Variants in NCOR2 observed in about 807,000 individuals in gnomAD.
NCOR2 encodes CTG repeat protein 26.
In NCOR2, 81 loss-of-function variants were observed where a neutral mutation model predicts 262.9. The ratio of observed to expected loss-of-function variants is 0.31; its 90% confidence interval spans 0.26 to 0.37. The LOEUF (loss-of-function observed/expected upper bound fraction) is 0.37. NCOR2 is among the 10% of genes least tolerant of loss of function. The pLI, the probability that NCOR2 is intolerant of heterozygous loss-of-function variation, is 1.00. For missense variants in NCOR2, 3,385 were observed against 3,621.4 expected, an observed-to-expected ratio of 0.93 and a Z score of 1.68; for synonymous variants, 1,659 against 1,559.3, an observed-to-expected ratio of 1.06 and a Z score of -1.51.
chr12:124,562,238 T>G lies in NCOR2; in HGVS notation c.-165+5070A>C, dbSNP rs368678146. 4.6e-5 allele frequency: 7 copies of G among 152,180 alleles called. No homozygotes were observed. In the East Asian group the frequency reaches 1.2e-3, roughly 25 times the overall value. 9.4% of individuals were successfully genotyped at this position (152,180 alleles called of 1,614,324 possible). A position where few individuals can be genotyped will look rare whatever the true frequency, so the allele number is the denominator to read the frequency against. ...CAGTGGCAGGGACCCACTTTTCAAG[T>G]GCTCCCGAGTGACAGGCACCTAGTG... is the stretch of plus-strand genomic sequence containing the variant. On this transcript the variant is annotated intron_variant, in intron 1 of 32. Coordinates refer to the NCOR2 transcript ENST00000458234.
chr12:124,355,561 C>T, exon 24 of NCOR2: 2 of 1,574,666 alleles, frequency 1.3e-6, no homozygotes, highest in Non-Finnish European at 1.7e-6. Flanking sequence ...GGCCCAGGGG[C>T]AGTGGGTGAC....
chr12:124,434,711 C>T (rs954241886), intron 8 of NCOR2, among the ~76,000 whole-genome samples: 3 of 152,182 alleles, frequency 2.0e-5, no homozygotes. Context: ...AATTGGCAGT[C>T]ATTTTAGGTG....
rs536667580 is a variant in NCOR2 at position 124,454,016 on chromosome 12, C to T, written c.762+3090G>A. 3.3e-5 allele frequency among the ~76,000 whole-genome samples: 5 copies of T among 152,230 alleles called. No individual in the cohort carries two copies. Among genetic ancestry groups the T allele is most frequent in the African/African-American group, 4.8e-5 (2 of 41,466 alleles). ...CTCTGTGACCCACAGCACCTCAGGC[C>T]GTCCCTGGCCCGGGCTTCTGGCACC... is the stretch of plus-strand genomic sequence containing the variant. On this transcript the variant is annotated intron_variant, in intron 6 of 46. Transcript: ENST00000405201. The surrounding 1 kb of genome is among the most constrained non-coding windows in gnomAD (Gnocchi z 5.6).
intron 22 of NCOR2, among the ~76,000 whole-genome samples, chr12:124,360,426 C>A (rs546350250): frequency 6.6e-6 from 1 of 152,248 alleles, no homozygotes; most frequent in African/African-American, 2.4e-5. Flanking sequence ...CAGCCTCTGT[C>A]GCCTGCCAAG....
At chr12:124,472,619 A>AT (rs1233627303) in intron 4 of NCOR2, among the ~76,000 whole-genome samples, 7 of 152,354 alleles carry the variant, frequency 4.6e-5, no homozygotes, top group Non-Finnish European at 4.4e-5. Flanking sequence ...TTCACCCTCC[A>AT]TTCTTGTGCT....
At chr12:124,519,601 T>C (rs1019936036) in intron 1 of NCOR2, among the ~76,000 whole-genome samples, 5 of 152,068 alleles carry the variant, frequency 3.3e-5, no homozygotes, top group African/African-American at 7.2e-5. Flanking sequence ...AGGGAGCTAA[T>C]AGGAGTGGAG....
At chr12:124,354,988 C>T (rs545298264) in intron 24 of NCOR2, 49 bp from the exon 27 acceptor site, 2 of 1,528,712 alleles carry the variant, frequency 1.3e-6, no homozygotes, top group African/African-American at 1.4e-5. Context: ...GTCCCTCCCC[C>T]ACAGTCCAGA....
At chr12:124,473,097 G>C (rs1423604689) in exon 4 of NCOR2, 2 of 1,613,942 alleles carry the variant, frequency 1.2e-6, no homozygotes, top group South Asian at 1.1e-5. Flanking sequence ...GCTGGGGGGA[G>C]ACACCGGTTC....
rs115294556 is a variant in NCOR2 at position 124,452,401 on chromosome 12, A to G, written c.763-2534T>C. 7.7e-3 allele frequency among the ~76,000 whole-genome samples: 1,168 copies of G among 152,312 alleles called. 17 individuals carry two copies. Among genetic ancestry groups the G allele is most frequent in the African/African-American group, 0.026 (1,100 of 41,570 alleles). Reference sequence around the variant, plus strand: ...GGGTTTTGGAAACAGATAGGCCCCAATTTAAATGGTGCCTCCTCCCTCACT... The same window carrying G: ...GGGTTTTGGAAACAGATAGGCCCCAGTTTAAATGGTGCCTCCTCCCTCACT... On this transcript the variant is annotated intron_variant, in intron 6 of 46. Coordinates refer to ENST00000405201, the Ensembl canonical transcript of NCOR2.
At chr12:124,410,265 C>T (rs543357510) in intron 13 of NCOR2, among the ~76,000 whole-genome samples, 1 of 149,620 alleles carries the variant, frequency 6.7e-6, no homozygotes, top group South Asian at 2.3e-4. Context: ...GATGCGATCG[C>T]CCCTGCACTG....
exon 47 of NCOR2, chr12:124,324,769 A>G (rs1236670868): frequency 6.6e-6 from 1 of 152,324 alleles, no homozygotes; most frequent in Non-Finnish European, 1.5e-5. Flanking sequence ...TTTCCTTCCC[A>G]CCGCTGCGGC....
chr12:124,377,284 G>A (rs1236857841), intron 18 of NCOR2, among the ~76,000 whole-genome samples: 1 of 152,164 alleles, frequency 6.6e-6, no homozygotes, highest in African/African-American at 2.4e-5. Context: ...TGGGGCATTT[G>A]TCTAGTCTAC....
chr12:124,334,803 T>A, intron 40 of NCOR2, 186 bp from the exon 43 acceptor site: 1 of 594,542 alleles, frequency 1.7e-6, no homozygotes, highest in East Asian at 2.8e-5. Flanking sequence ...GGGGCTGTGG[T>A]CAGCGGTCCC....
intron 46 of NCOR2, 133 bp from the exon 49 acceptor site, chr12:124,325,716 C>T (rs1052350801): frequency 1.9e-5 from 10 of 534,066 alleles, no homozygotes; most frequent in African/African-American, 7.8e-5. Context: ...TTTCTAATTG[C>T]GAACAGGTCT....
At chr12:124,421,681 G>A (rs78908406) in intron 12 of NCOR2, among the ~76,000 whole-genome samples, 5,344 of 152,290 alleles carry the variant, frequency 0.035, 183 homozygotes, top group East Asian at 0.19. Context: ...TCTGAGAAAC[G>A]TGATTCAGGG....
upstream of NCOR2, among the ~76,000 whole-genome samples, chr12:124,535,842 G>A (rs1174788619): frequency 3.9e-5 from 6 of 152,044 alleles, no homozygotes; most frequent in African/African-American, 9.7e-5. Context: ...TCTCAGAGCC[G>A]GGAAGTGACG....
intron 4 of NCOR2, among the ~76,000 whole-genome samples, chr12:124,467,794 A>C (rs1593680815): frequency 1.2e-4 from 4 of 32,860 alleles, no homozygotes; most frequent in Non-Finnish European, 1.1e-4. Context: ...TATCCTCATC[A>C]CCCCCATCAT....
chr12:124,387,736 GC>G (rs2136124896), intron 16 of NCOR2, among the ~76,000 whole-genome samples: 1 of 152,378 alleles, frequency 6.6e-6, no homozygotes, highest in East Asian at 1.9e-4. Context: ...AGCAGCAGCT[GC>G]CACTTCCAGA....
exon 31 of NCOR2, chr12:124,346,841 C>T: frequency 2.5e-6 from 4 of 1,574,182 alleles, no homozygotes; most frequent in South Asian, 2.3e-5. Context: ...CACGTAGGAC[C>T]GAGGGATCCC....
Sources: gnomAD v4.1 joint callset for allele counts (sites outside exome capture counted in the v4.1 genomes callset) on GRCh38, gnomAD v4.1.1 for gene constraint, Gnocchi (gnomAD v3.1) non-coding constraint, MANE v1.5 for transcripts, NCBI Gene and HGNC (gene_info 2026-07-23, HGNC 2026-07-21) for gene names.